MACC1: variants seen among roughly 807,000 people sequenced by gnomAD.
MACC1 encodes the protein metastasis-associated in colon cancer protein 1.
A neutral mutation model predicts 70.7 loss-of-function variants in MACC1; 79 were observed. The observed-to-expected ratio is 1.12, with a 90% CI of 0.93 to 1.35. MACC1 has a LOEUF of 1.35. MACC1 is among the 40% of genes most tolerant of loss of function. The probability of loss-of-function intolerance (pLI) is 0.00; values close to 1 mark genes in which losing one functional copy is unlikely to be tolerated. For synonymous variants in MACC1, 361 were observed against 347.2 expected, an observed-to-expected ratio of 1.04 and a Z score of -0.44; for missense variants, 1,106 against 978.1, an observed-to-expected ratio of 1.13 and a Z score of -1.74.
intron 1 of MACC1, among the ~76,000 whole-genome samples, chr7:20,216,687 ATC>A (rs1783075798): frequency 6.6e-6 from 1 of 152,198 alleles, no homozygotes; most frequent in African/African-American, 2.4e-5. Context: ...ATCATGTATC[ATC>A]TGTCTATTCA....
chr7:20,187,646 A>AT (rs368944240), intron 1 of MACC1, among the ~76,000 whole-genome samples: 9 of 152,342 alleles, frequency 5.9e-5, no homozygotes, highest in African/African-American at 2.2e-4. Context: ...ATTGTAACCC[A>AT]GAAGCTTCTT....
intron 1 of MACC1, among the ~76,000 whole-genome samples, chr7:20,173,369 T>G (rs1238642805): frequency 6.6e-6 from 1 of 152,230 alleles, no homozygotes; most frequent in Non-Finnish European, 1.5e-5. Context: ...ACAGCTCTCT[T>G]TCTTGGGGCA....
In MACC1 at chr7:20,158,805, C is replaced by G; in HGVS notation, c.1556G>C (p.Gly519Ala). ...PNLKRLSNLP[G>A]YLQKKEEIKS... is the part of the protein sequence containing the mutation. ...GATTTCCTCCTTCTTCTGCAAATAGCCTGGCAGATTCGAGAGTCTTTTTAG... is the reference window on the plus strand; with the variant it reads ...GATTTCCTCCTTCTTCTGCAAATAGGCTGGCAGATTCGAGAGTCTTTTTAG... The change falls in exon 5 of 7, where the codon GGC becomes GCC. Residue 519 changes from glycine to alanine, a missense_variant. Physicochemically the swap from Gly to Ala is moderately conservative, Grantham distance 60. Transcript: ENST00000400331. 6.2e-7 allele frequency: 1 copy of G among 1,614,082 alleles called. No individual in the cohort carries two copies. The highest frequency in any genetic ancestry group is 8.5e-7 in the Non-Finnish European group (1 of 1,180,024).
At chr7:20,142,978 T>A (rs1451678901) in intron 6 of MACC1, among the ~76,000 whole-genome samples, 1 of 152,226 alleles carries the variant, frequency 6.6e-6, no homozygotes, top group African/African-American at 2.4e-5. Flanking sequence ...ACTTAAAACA[T>A]TTCTGTAAAA....
chr7:20,181,080 C>CTGTGTGTGTGTGTG (rs59476252), intron 1 of MACC1, among the ~76,000 whole-genome samples: 32 of 149,082 alleles, frequency 2.1e-4, no homozygotes, highest in African/African-American at 7.4e-4. Flanking sequence ...TGTATGTGCT[C>CTGTGTGTGTGTGTG]TGTGTGTGTG....
intron 5 of MACC1, among the ~76,000 whole-genome samples, chr7:20,155,485 A>G (rs567131007): frequency 6.6e-6 from 1 of 152,312 alleles, no homozygotes; most frequent in East Asian, 1.9e-4. Flanking sequence ...AAAATACCTT[A>G]TTGTACTCTA....
chr7:20,176,826 A>G (rs1782400233), intron 1 of MACC1, among the ~76,000 whole-genome samples: 1 of 152,178 alleles, frequency 6.6e-6, no homozygotes, highest in Non-Finnish European at 1.5e-5. Context: ...CCAGTCGCAT[A>G]AGGTATGATT....
intron 6 of MACC1, among the ~76,000 whole-genome samples, chr7:20,151,918 C>T (rs747210077): frequency 6.6e-6 from 1 of 152,172 alleles, no homozygotes; most frequent in Non-Finnish European, 1.5e-5. Flanking sequence ...ACTCTGAAGT[C>T]AAATGTCTGT....
intron 1 of MACC1, among the ~76,000 whole-genome samples, chr7:20,179,592 T>C (rs1228013330): frequency 6.6e-6 from 1 of 152,220 alleles, no homozygotes; most frequent in Middle Eastern, 3.2e-3. Context: ...AGTTCCTGAT[T>C]GGAGGCTGTT....
intron 6 of MACC1, among the ~76,000 whole-genome samples, chr7:20,153,865 C>T (rs1782016349): frequency 6.6e-6 from 1 of 152,170 alleles, no homozygotes; most frequent in Non-Finnish European, 1.5e-5. Flanking sequence ...CTGTCTCCCA[C>T]CTTCAAAATT....
Position 20,141,008 on chromosome 7 carries a change from T to C in MACC1, c.2497A>G (p.Ile833Val). 3.1e-6 allele frequency: 5 copies of C among 1,614,130 alleles called. No individual in the cohort carries two copies. The highest frequency in any genetic ancestry group is 4.2e-6 in the Non-Finnish European group (5 of 1,179,998). ...KHWRELTGVL[I>V]LVNSLEVLRV... ...AAAACCTCCAAAGAATTTACTAGTA[T>C]TAAAACTCCAGTTAATTCTCTCCAG... Residue 833 changes from isoleucine (I) to valine (V), a missense_variant, in exon 7 of 7, where the codon ATA (isoleucine) becomes GTA (valine). Physicochemically the swap from Ile to Val is conservative, Grantham distance 29. Coordinates refer to ENST00000400331, the MANE Select transcript of MACC1 (RefSeq NM_182762.4).
At position 20,202,428 on chromosome 7, in the gene MACC1, T is replaced by C. The variant is rs550149976; in HGVS notation, c.-218+14871A>G. ...TTTGGACGTAGAGCAAAGTGGTTGA[T>C]ACATTTCATACTTGCCTTGATAATC... On this transcript the variant is annotated intron_variant, in intron 1 of 6. Transcript: ENST00000400331. Among the ~76,000 whole-genome samples, 57 of 152,360 alleles carry C rather than the reference T, an allele frequency of 3.7e-4. 1 individual carries two copies. Among genetic ancestry groups the C allele is most frequent in the Non-Finnish European group, 6.5e-4 (44 of 68,024 alleles).
At chr7:20,183,751 C>T (rs960202906) in intron 1 of MACC1, among the ~76,000 whole-genome samples, 6 of 146,592 alleles carry the variant, frequency 4.1e-5, no homozygotes, top group African/African-American at 2.6e-5. Flanking sequence ...CTCTGTTTCC[C>T]GGGCTGGAGT....
At position 20,157,074 on chromosome 7, in the gene MACC1, AG is replaced by A. The variant is rs1310330792; in HGVS notation, c.2157+1129del. Reference sequence around the variant, plus strand: ...ATATTCAAATCCCATCTATAAGAATAGGCAACTGTAGGACGTGGGCAAATTG... The same window carrying A: ...ATATTCAAATCCCATCTATAAGAATAGCAACTGTAGGACGTGGGCAAATTG... On this transcript the variant is annotated intron_variant, in intron 5 of 6. Coordinates refer to ENST00000400331, the MANE Select transcript of MACC1 (RefSeq NM_182762.4). Among the ~76,000 whole-genome samples the A allele has an allele frequency of 2.0e-5, 3 of 152,350 alleles. No homozygotes were observed. In the East Asian group the frequency reaches 5.8e-4, roughly 29 times the overall value.
chr7:20,141,447 TC>T (rs1781800571), intron 6 of MACC1, among the ~76,000 whole-genome samples: 1 of 152,178 alleles, frequency 6.6e-6, no homozygotes, highest in Admixed American at 6.5e-5. Flanking sequence ...AATATAAAAT[TC>T]CTTGCACAAT....
intron 1 of MACC1, among the ~76,000 whole-genome samples, chr7:20,209,303 G>T: frequency 6.6e-6 from 1 of 152,232 alleles, no homozygotes; most frequent in Non-Finnish European, 1.5e-5. Flanking sequence ...ATGCCAGCCT[G>T]TGAAAGCAGC....
chr7:20,158,158 T>C (rs551723370), intron 5 of MACC1, 46 bp downstream of exon 5: 6 of 1,520,346 alleles, frequency 3.9e-6, no homozygotes, highest in African/African-American at 1.4e-5. Context: ...GTCAAGTTAA[T>C]ACAATTCTCG....
intron 1 of MACC1, among the ~76,000 whole-genome samples, chr7:20,207,631 A>C (rs1300982774): frequency 6.6e-6 from 1 of 152,172 alleles, no homozygotes; most frequent in Non-Finnish European, 1.5e-5. Flanking sequence ...TTCTAATAAC[A>C]AATATTAGGG....
chr7:20,142,407 C>T (rs1011408779), intron 6 of MACC1, among the ~76,000 whole-genome samples: 3 of 152,172 alleles, frequency 2.0e-5, no homozygotes, highest in Non-Finnish European at 4.4e-5. Context: ...TCTCTCTCGA[C>T]AAAGCTTAAT....
Sources: allele counts gnomAD v4.1 joint callset (sites outside exome capture counted in the v4.1 genomes callset), GRCh38; gene constraint gnomAD v4.1.1; transcripts MANE v1.5; gene names NCBI Gene and HGNC (gene_info 2026-07-23, HGNC 2026-07-21).